ROBO1: variants seen among roughly 807,000 people sequenced by gnomAD.
ROBO1 encodes roundabout homolog 1.
ROBO1 carries 149 observed loss-of-function variants against 195.9 expected under a neutral mutation model. That is an observed-to-expected ratio of 0.76 (90% CI 0.67 to 0.87). The LOEUF (loss-of-function observed/expected upper bound fraction) is 0.87, where lower values mean the gene tolerates loss of function less well. Among genes scored for constraint, ROBO1 ranks in the 40% least tolerant of loss-of-function variants. The pLI, the probability that ROBO1 is intolerant of heterozygous loss-of-function variation, is 0.00. For synonymous variants in ROBO1, 816 were observed against 733.2 expected (o/e 1.11, Z -1.82); for missense variants, 1,933 against 2,068.3 (o/e 0.93, Z 1.27).
intron 2 of ROBO1, among the ~76,000 whole-genome samples, chr3:79,367,618 A>G (rs1304659347): frequency 6.6e-6 from 1 of 152,200 alleles, no homozygotes; most frequent in Non-Finnish European, 1.5e-5. Flanking sequence ...CATCTATAAA[A>G]CATGGATGAT....
At chr3:79,093,489 G>A (rs1419099709) in intron 3 of ROBO1, among the ~76,000 whole-genome samples, 1 of 151,958 alleles carries the variant, frequency 6.6e-6, no homozygotes, top group African/African-American at 2.4e-5. Flanking sequence ...TTATAGCATT[G>A]ACAGTACATG....
intron 1 of ROBO1, among the ~76,000 whole-genome samples, chr3:79,718,815 A>C (rs1332150543): frequency 6.6e-6 from 1 of 152,058 alleles, no homozygotes; most frequent in African/African-American, 2.4e-5. Flanking sequence ...TGGAGAGGAA[A>C]CTAATGACAT....
intron 1 of ROBO1, among the ~76,000 whole-genome samples, chr3:79,667,504 A>G (rs1001442352): frequency 5.9e-5 from 9 of 151,880 alleles, no homozygotes; most frequent in African/African-American, 2.2e-4. Context: ...GTCTTAAGGA[A>G]TAACAGCACA....
At chr3:78,634,287 ATGTC>A (rs1265215757) in intron 23 of ROBO1, 1 of 175,198 alleles carries the variant, frequency 5.7e-6, no homozygotes, top group Non-Finnish European at 1.2e-5. Context: ...AATCACAAAA[ATGTC>A]TGCAAATCAT....
At chr3:79,092,505 T>C (rs2079497669) in intron 3 of ROBO1, among the ~76,000 whole-genome samples, 1 of 152,174 alleles carries the variant, frequency 6.6e-6, no homozygotes, top group African/African-American at 2.4e-5. Flanking sequence ...GGAATTAGTC[T>C]TTGTTATTTG....
chr3:79,325,710 G>A (rs2034180310), intron 2 of ROBO1, among the ~76,000 whole-genome samples: 1 of 152,114 alleles, frequency 6.6e-6, no homozygotes, highest in South Asian at 2.1e-4. Flanking sequence ...ACTTCCCCAA[G>A]TGATTTCCTA....
chr3:78,957,615 A>C (rs1034065661), intron 3 of ROBO1, among the ~76,000 whole-genome samples: 1 of 152,220 alleles, frequency 6.6e-6, no homozygotes, highest in Non-Finnish European at 1.5e-5. Context: ...GTGAGATTAC[A>C]TGAATAGAGA....
intron 2 of ROBO1, among the ~76,000 whole-genome samples, chr3:79,430,271 A>G (rs1487814167): frequency 6.6e-6 from 1 of 152,138 alleles, no homozygotes; most frequent in Non-Finnish European, 1.5e-5. Flanking sequence ...ATTAAGTTCA[A>G]TAAAAATAAT....
chr3:79,368,479 C>T (rs2036056948), intron 2 of ROBO1, among the ~76,000 whole-genome samples: 1 of 152,008 alleles, frequency 6.6e-6, no homozygotes, highest in African/African-American at 2.4e-5. Flanking sequence ...AGGGACCAGC[C>T]CAAGGGGTGG....
intron 3 of ROBO1, among the ~76,000 whole-genome samples, chr3:79,008,685 C>T (rs2077687296): frequency 6.6e-6 from 1 of 151,540 alleles, no homozygotes; most frequent in Non-Finnish European, 1.5e-5. Flanking sequence ...CCTCAACCTC[C>T]TGGGCTCATC....
chr3:78,968,143 A>C (rs1448724646), intron 3 of ROBO1, among the ~76,000 whole-genome samples: 2 of 152,180 alleles, frequency 1.3e-5, no homozygotes, highest in Non-Finnish European at 2.9e-5. Context: ...CATGGAATTT[A>C]ATTTTAAAGA....
At chr3:79,084,005 C>A (rs1264494297) in intron 3 of ROBO1, among the ~76,000 whole-genome samples, 1 of 152,102 alleles carries the variant, frequency 6.6e-6, no homozygotes, top group Non-Finnish European at 1.5e-5. Flanking sequence ...ATTTAAGCCA[C>A]GATTAATTTT....
At chr3:79,441,478 T>C (rs2039052192) in intron 2 of ROBO1, among the ~76,000 whole-genome samples, 1 of 152,170 alleles carries the variant, frequency 6.6e-6, no homozygotes, top group Admixed American at 6.6e-5. Flanking sequence ...CTAAGTATTG[T>C]TTTTGCAATG....
At chr3:79,389,265 T>C (rs2036863946) in intron 2 of ROBO1, among the ~76,000 whole-genome samples, 1 of 152,038 alleles carries the variant, frequency 6.6e-6, no homozygotes, top group South Asian at 2.1e-4. Context: ...AAAAAAATTA[T>C]GTAATATGAG....
At chr3:78,761,423 G>T (rs1043936248) in intron 4 of ROBO1, among the ~76,000 whole-genome samples, 2 of 151,910 alleles carry the variant, frequency 1.3e-5, no homozygotes, top group African/African-American at 4.8e-5. Flanking sequence ...AAAAACAGTT[G>T]CAACTTCTGG....
At position 79,123,513 on chromosome 3, in the gene ROBO1, A is replaced by G. The variant is rs183445231; in HGVS notation, c.172+1943T>C. 3.3e-5 allele frequency among the ~76,000 whole-genome samples: 5 copies of G among 152,108 alleles called. No individual in the cohort carries two copies. In the East Asian group the frequency reaches 9.7e-4, roughly 29 times the overall value. On this transcript the variant is annotated intron_variant, in intron 3 of 30. Transcript: ENST00000464233. ...TTGCAATGGAAGTTATAATGAATAT[A>G]AGTATGGTTAACATGCAAACAAAAG... is the stretch of plus-strand genomic sequence containing the variant.
At chr3:79,518,744 G>A (rs942876116) in intron 2 of ROBO1, among the ~76,000 whole-genome samples, 2 of 151,582 alleles carry the variant, frequency 1.3e-5, no homozygotes, top group African/African-American at 2.4e-5. Flanking sequence ...GCAATGGTGC[G>A]ATCTCGGCTC....
intron 25 of ROBO1, among the ~76,000 whole-genome samples, chr3:78,628,074 CT>C (rs1182719567): frequency 6.6e-6 from 1 of 151,996 alleles, no homozygotes; most frequent in East Asian, 1.9e-4. Flanking sequence ...TTGGCTCAGC[CT>C]CCTGAGTAGC....
At chr3:78,948,785 C>G (rs1470222043) in intron 3 of ROBO1, among the ~76,000 whole-genome samples, 2 of 152,132 alleles carry the variant, frequency 1.3e-5, no homozygotes, top group African/African-American at 4.8e-5. Context: ...AGCCCAAAAT[C>G]TCAAGCTGAT....
Sources: gnomAD v4.1 joint callset for allele counts (sites outside exome capture counted in the v4.1 genomes callset) on GRCh38, gnomAD v4.1.1 for gene constraint, MANE v1.5 for transcripts, NCBI Gene and HGNC (gene_info 2026-07-23, HGNC 2026-07-21) for gene names.